Variants in CARMIL1 observed in about 807,000 individuals in gnomAD.
The protein encoded by CARMIL1 is F-actin-uncapping protein LRRC16A.
A neutral mutation model predicts 177.1 loss-of-function variants in CARMIL1; 90 were observed. The observed-to-expected ratio is 0.51, with a 90% CI of 0.43 to 0.61. CARMIL1 has a LOEUF of 0.61. CARMIL1 is among the 20% of genes least tolerant of loss of function. The probability of loss-of-function intolerance (pLI) is 0.00; values close to 1 mark genes in which losing one functional copy is unlikely to be tolerated. For missense variants in CARMIL1, 1,380 were observed against 1,667.0 expected, an observed-to-expected ratio of 0.83 and a Z score of 3.00; for synonymous variants, 577 against 606.2, an observed-to-expected ratio of 0.95 and a Z score of 0.71.
intron 4 of CARMIL1, among the ~76,000 whole-genome samples, chr6:25,434,107 G>A (rs1166382438): frequency 1.3e-5 from 2 of 152,156 alleles, no homozygotes; most frequent in Admixed American, 6.5e-5. Flanking sequence ...TTGCTATGTT[G>A]CCTGGGCTGG....
intron 2 of CARMIL1, among the ~76,000 whole-genome samples, chr6:25,317,293 G>C (rs1252345759): frequency 6.6e-6 from 1 of 151,982 alleles, no homozygotes; most frequent in East Asian, 1.9e-4. Context: ...ACTGTGCTTA[G>C]CTAATGTATT....
intron 20 of CARMIL1, among the ~76,000 whole-genome samples, chr6:25,512,158 T>A (rs1225016050): frequency 2.0e-5 from 3 of 152,188 alleles, no homozygotes. Flanking sequence ...TCTTAACACA[T>A]ACTTTAGGAA....
At chr6:25,349,422 T>A (rs540551437) in intron 2 of CARMIL1, among the ~76,000 whole-genome samples, 1 of 152,338 alleles carries the variant, frequency 6.6e-6, no homozygotes, top group African/African-American at 2.4e-5. Context: ...ACGGACCTGC[T>A]GTATAGGTTT....
At chr6:25,286,412 C>T (rs982885578) in intron 2 of CARMIL1, among the ~76,000 whole-genome samples, 1 of 152,124 alleles carries the variant, frequency 6.6e-6, no homozygotes, top group African/African-American at 2.4e-5. Flanking sequence ...TGGCTTTTGC[C>T]CAGCAACAAA....
chr6:25,547,915 G>A (rs1809676538), intron 26 of CARMIL1, among the ~76,000 whole-genome samples: 1 of 152,076 alleles, frequency 6.6e-6, no homozygotes, highest in African/African-American at 2.4e-5. Flanking sequence ...GAGAGTAGGG[G>A]AAGAAAGAAA....
chr6:25,452,152 G>T (rs774389926), intron 8 of CARMIL1: 12 of 764,898 alleles, frequency 1.6e-5, no homozygotes, highest in Non-Finnish European at 2.6e-5. Flanking sequence ...CTGGGACTAC[G>T]GAAGATGGTG....
Position 25,476,718 on chromosome 6 carries a change from G to T in CARMIL1, c.874+4197G>T, listed in dbSNP as rs1205105887. ...TTTGTGTTTAAAACTAATAAAAAGG[G>T]TGAATGAGAGGTCTATAATTAAGTT... On this transcript the variant is annotated intron_variant, in intron 11 of 36. Coordinates refer to ENST00000329474, the MANE Select transcript of CARMIL1 (RefSeq NM_017640.6). Among the ~76,000 whole-genome samples the T allele has an allele frequency of 5.9e-5, 9 of 152,226 alleles. No homozygotes were observed. In the East Asian group the frequency reaches 1.5e-3, roughly 26 times the overall value.
At chr6:25,559,196 A>C (rs1449600878) in intron 29 of CARMIL1, among the ~76,000 whole-genome samples, 2 of 152,192 alleles carry the variant, frequency 1.3e-5, no homozygotes, top group African/African-American at 4.8e-5. Context: ...CTCATAGCTA[A>C]TTTGGAAGGA....
At chr6:25,384,198 C>G (rs1024433769) in intron 2 of CARMIL1, among the ~76,000 whole-genome samples, 4 of 152,182 alleles carry the variant, frequency 2.6e-5, no homozygotes, top group African/African-American at 7.2e-5. Flanking sequence ...CCAATTGCCT[C>G]AATGCTTTAT....
chr6:25,552,910 T>C (rs1205902805), intron 27 of CARMIL1, among the ~76,000 whole-genome samples: 1 of 152,166 alleles, frequency 6.6e-6, no homozygotes, highest in African/African-American at 2.4e-5. Context: ...GTATTTTTAA[T>C]ATGAGACCTG....
At position 25,334,598 on chromosome 6, in the gene CARMIL1, T is replaced by G. The variant is rs556557349; in HGVS notation, c.138+49689T>G. 1.8e-4 allele frequency among the ~76,000 whole-genome samples: 28 copies of G among 152,344 alleles called. 1 individual carries two copies. The highest frequency in any genetic ancestry group is 6.5e-4 in the African/African-American group (27 of 41,584). On this transcript the variant is annotated intron_variant, in intron 2 of 36. Transcript: ENST00000329474. Reference sequence around the variant, plus strand: ...GTAGATTTTGTTATCATTTAAAACCTTTTCAACTAGGTACTTGATATAATA... The same window carrying G: ...GTAGATTTTGTTATCATTTAAAACCGTTTCAACTAGGTACTTGATATAATA...
In CARMIL1 at chr6:25,290,236, C is replaced by A. The variant is rs1334520665; in HGVS notation, c.138+5327C>A. 2.6e-5 allele frequency among the ~76,000 whole-genome samples: 4 copies of A among 152,146 alleles called. No individual in the cohort carries two copies. In the East Asian group the frequency reaches 7.7e-4, roughly 29 times the overall value. ...TCAGCCTCCCAAGTAGCTGGGACTACAGGCGTGTGCCACCACACCCGGCTA... is the reference window on the plus strand; with the variant it reads ...TCAGCCTCCCAAGTAGCTGGGACTAAAGGCGTGTGCCACCACACCCGGCTA... On this transcript the variant is annotated intron_variant, in intron 2 of 36. Coordinates refer to ENST00000329474, the MANE Select transcript of CARMIL1 (RefSeq NM_017640.6).
intron 8 of CARMIL1, chr6:25,452,453 G>T: frequency 2.1e-6 from 1 of 481,948 alleles, no homozygotes; most frequent in Non-Finnish European, 3.7e-6. Context: ...CAGCGTTTTT[G>T]GTCCCTTTAC....
At chr6:25,590,651 G>T (rs1048326645) in intron 31 of CARMIL1, among the ~76,000 whole-genome samples, 2 of 151,876 alleles carry the variant, frequency 1.3e-5, no homozygotes, top group African/African-American at 4.8e-5. Flanking sequence ...TATTACTAAG[G>T]ATTTTATTTC....
chr6:25,349,404 C>T (rs1787876999), intron 2 of CARMIL1, among the ~76,000 whole-genome samples: 1 of 152,204 alleles, frequency 6.6e-6, no homozygotes, highest in Non-Finnish European at 1.5e-5. Flanking sequence ...AATGAAATGA[C>T]ATTATTCACG....
At chr6:25,381,997 A>C (rs1791597937) in intron 2 of CARMIL1, among the ~76,000 whole-genome samples, 1 of 152,122 alleles carries the variant, frequency 6.6e-6, no homozygotes, top group Non-Finnish European at 1.5e-5. Context: ...GTATGATTGA[A>C]AATGGGCTAT....
chr6:25,466,081 C>T, intron 9 of CARMIL1, 133 bp downstream of exon 9: 1 of 634,296 alleles, frequency 1.6e-6, no homozygotes, highest in South Asian at 2.0e-5. Flanking sequence ...GAGGTATTTT[C>T]CTTTAAATGA....
intron 32 of CARMIL1, among the ~76,000 whole-genome samples, chr6:25,597,642 G>C (rs932479340): frequency 1.3e-5 from 2 of 151,924 alleles, no homozygotes; most frequent in African/African-American, 2.4e-5. Flanking sequence ...GTGACCTCTA[G>C]GCCCATTCCA....
chr6:25,349,260 G>A (rs1290322367), intron 2 of CARMIL1, among the ~76,000 whole-genome samples: 1 of 152,176 alleles, frequency 6.6e-6, no homozygotes, highest in Admixed American at 6.5e-5. Context: ...TAATGTGCAT[G>A]GCTTTGCAAT....
Sources: gnomAD v4.1 joint callset for allele counts (sites outside exome capture counted in the v4.1 genomes callset) on GRCh38, gnomAD v4.1.1 for gene constraint, MANE v1.5 for transcripts, NCBI Gene and HGNC (gene_info 2026-07-23, HGNC 2026-07-21) for gene names.